The following TOM1 variants were observed in gnomAD, a reference collection of about 807,000 sequenced individuals.
TOM1 encodes the protein target of Myb protein 1.
In TOM1, 38 loss-of-function variants were observed where a neutral mutation model predicts 61.3. The observed-to-expected ratio is 0.62, with a 90% CI of 0.48 to 0.81. TOM1 has a LOEUF of 0.81. Among genes scored for constraint, TOM1 ranks in the 40% least tolerant of loss-of-function variants. The pLI, the probability that TOM1 is intolerant of heterozygous loss-of-function variation, is 0.00. For synonymous variants in TOM1, 270 were observed against 268.8 expected, an observed-to-expected ratio of 1.00 and a Z score of -0.04; for missense variants, 591 against 659.6, an observed-to-expected ratio of 0.90 and a Z score of 1.14.
In TOM1 at chr22:35,347,620, CA is replaced by C. The variant is rs1569044659; in HGVS notation, c.*412del. ...AGTCGAGGCCTGGCTGGAGGCTGGC[CA>C]CAGTGGAAATTCTGCCGAGCCTCTT... is the stretch of plus-strand genomic sequence containing the variant. On this transcript the variant is annotated 3_prime_UTR_variant, in exon 15 of 15. Coordinates refer to ENST00000449058, the MANE Select transcript of TOM1 (RefSeq NM_005488.3). 6.2e-6 allele frequency: 1 copy of C among 161,380 alleles called. No individual in the cohort carries two copies. Among genetic ancestry groups the C allele is most frequent in the Non-Finnish European group, 1.3e-5 (1 of 74,092 alleles). The allele number at this position is 161,380 out of a possible 1,614,324, so 10.0% of individuals were successfully genotyped here. A position where few individuals can be genotyped will look rare whatever the true frequency, so the allele number is the denominator to read the frequency against.
At position 35,347,128 on chromosome 22, in the gene TOM1, G is replaced by A. The variant is rs1436787672; in HGVS notation, c.1398G>A (p.Glu466=). 2 of 1,613,022 alleles carry A rather than the reference G, an allele frequency of 1.2e-6. No individual in the cohort carries two copies. Among genetic ancestry groups the A allele is most frequent in the African/African-American group, 2.7e-5 (2 of 74,976 alleles). ...RLPNLSSPSA[E]GPPGPPSGPA... ...CCAACCTCTCCAGCCCCTCAGCTGAGGGGCCCCCGGGTCCCCCATCTGGCC... is the reference window on the plus strand; with the variant it reads ...CCAACCTCTCCAGCCCCTCAGCTGAAGGGCCCCCGGGTCCCCCATCTGGCC... The change falls in exon 15 of 15, where the codon GAG becomes GAA. Residue 466 remains glutamate, a synonymous_variant. Transcript: ENST00000449058.
chr22:35,324,837 A>C (rs1928172326), intron 6 of TOM1, among the ~76,000 whole-genome samples: 1 of 152,248 alleles, frequency 6.6e-6, no homozygotes, highest in South Asian at 2.1e-4. Flanking sequence ...GGCATGAGCC[A>C]CCACACCCAG....
At chr22:35,330,589 C>T (rs1179672279) in intron 8 of TOM1, 109 bp downstream of exon 8, 5 of 1,164,584 alleles carry the variant, frequency 4.3e-6, no homozygotes, top group South Asian at 1.5e-5. Context: ...TCGTCCTCCT[C>T]TCAAACACAA....
intron 12 of TOM1, among the ~76,000 whole-genome samples, chr22:35,341,821 T>A (rs1446846357): frequency 6.6e-6 from 1 of 152,202 alleles, no homozygotes; most frequent in East Asian, 1.9e-4. Flanking sequence ...CACTGATTTA[T>A]CTCCGATAAC....
chr22:35,322,195 T>G (rs1426056315), intron 3 of TOM1, 158 bp downstream of exon 3: 1 of 636,148 alleles, frequency 1.6e-6, no homozygotes, highest in Admixed American at 2.9e-5. Flanking sequence ...TGCAGGCGGA[T>G]GCAGAATGGC....
chr22:35,304,532 G>A (rs907189041), intron 1 of TOM1, among the ~76,000 whole-genome samples: 2 of 152,148 alleles, frequency 1.3e-5, no homozygotes, highest in East Asian at 1.9e-4. Flanking sequence ...AGGCGGGAGT[G>A]CAGTGGCGCG....
intron 1 of TOM1, among the ~76,000 whole-genome samples, chr22:35,303,684 G>A (rs536173531): frequency 6.6e-6 from 1 of 152,146 alleles, no homozygotes; most frequent in African/African-American, 2.4e-5. Context: ...TTTTAGTAGA[G>A]ATGGGGTTTC....
chr22:35,322,512 T>C (rs796295620), intron 3 of TOM1: 2 of 187,566 alleles, frequency 1.1e-5, no homozygotes, highest in African/African-American at 4.7e-5. Context: ...GCCGTCAGCA[T>C]GGGTTTGGCT....
rs1026868798 is a variant in TOM1, at chr22:35,331,345, C to A, written c.899+865C>A. The A allele has an allele frequency of 5.5e-5, 25 of 454,402 alleles. No homozygotes were observed. The East Asian group carries it at 1.7e-3, about 32-fold the overall frequency. The allele number at this position is 454,402 out of a possible 1,614,324, so 28.1% of individuals were successfully genotyped here. On this transcript the variant is annotated intron_variant, in intron 8 of 14. Coordinates refer to ENST00000449058, the MANE Select transcript of TOM1 (RefSeq NM_005488.3). ...CAGGCTAGTCTCAAACTCTTGGCCT[C>A]AAGCAGTCCTCCCTCCTTGGCCTCC...
intron 7 of TOM1, among the ~76,000 whole-genome samples, chr22:35,328,867 C>T (rs975023791): frequency 5.9e-5 from 9 of 152,188 alleles, no homozygotes; most frequent in South Asian, 4.1e-4. Context: ...AGGCACCTGC[C>T]GTGACCCAGG....
intron 8 of TOM1, 119 bp from the exon 9 acceptor site, chr22:35,332,862 A>G: frequency 9.9e-7 from 1 of 1,008,486 alleles, no homozygotes; most frequent in Non-Finnish European, 1.6e-6. Context: ...ACGTGTCATC[A>G]CCCTGATCAT....
chr22:35,343,229 C>CCT, intron 12 of TOM1, among the ~76,000 whole-genome samples: 1 of 146,832 alleles, frequency 6.8e-6, no homozygotes, highest in Middle Eastern at 3.8e-3. Context: ...ACACACCACA[C>CCT]ACACATCTAC....
intron 9 of TOM1, 155 bp from the exon 10 acceptor site, chr22:35,333,249 C>T: frequency 2.4e-6 from 2 of 818,862 alleles, no homozygotes; most frequent in East Asian, 2.7e-5. Context: ...GAGCTGGAGC[C>T]AGAGGGGAGG....
intron 1 of TOM1, among the ~76,000 whole-genome samples, chr22:35,302,873 A>G (rs1317410586): frequency 6.6e-6 from 1 of 152,196 alleles, no homozygotes; most frequent in Admixed American, 6.5e-5. Context: ...TCTTTTAGAT[A>G]AAGAGGCGGA....
rs760572851 is a variant in TOM1 at position 35,347,096 on chromosome 22, C to A, written c.1366C>A (p.Arg456=). ...GGAAGAACGGGCCAAAGCCGCGGACCGATTGCCCAACCTCTCCAGCCCCTC... is the reference window on the plus strand; with the variant it reads ...GGAAGAACGGGCCAAAGCCGCGGACAGATTGCCCAACCTCTCCAGCCCCTC... ...FLEERAKAAD[R]LPNLSSPSAE... is the part of the protein sequence containing the mutation. The change falls in exon 15 of 15, where the codon CGA becomes AGA. Residue 456 remains arginine (R), a synonymous_variant. Coordinates refer to ENST00000449058, the MANE Select transcript of TOM1 (RefSeq NM_005488.3). 1 of 1,613,584 alleles carries A rather than the reference C, an allele frequency of 6.2e-7. No individual in the cohort carries two copies. Among genetic ancestry groups the A allele is most frequent in the Non-Finnish European group, 8.5e-7 (1 of 1,179,746 alleles).
At position 35,302,896 on chromosome 22, in the gene TOM1, C is replaced by G. The variant is rs549020147; in HGVS notation, c.52+2916C>G. Among the ~76,000 whole-genome samples the G allele has an allele frequency of 2.0e-5, 3 of 152,268 alleles. No homozygotes were observed. In the East Asian group the frequency reaches 5.8e-4, roughly 29 times the overall value. ...ATAAAGAGGCGGAGGAAGTACTGCT[C>G]CCTGGCTGTGATTACTGATGACACA... On this transcript the variant is annotated intron_variant, in intron 1 of 14. Transcript: ENST00000449058.
intron 12 of TOM1, among the ~76,000 whole-genome samples, chr22:35,340,182 G>A (rs1051596182): frequency 4.6e-5 from 7 of 152,218 alleles, no homozygotes; most frequent in African/African-American, 7.2e-5. Context: ...AGAAACAGCC[G>A]GACCTGGGAG....
At position 35,323,264 on chromosome 22, in the gene TOM1, T is replaced by G; in HGVS notation, c.366+87T>G. 6.5e-7 allele frequency: 1 copy of G among 1,534,138 alleles called. No individual in the cohort carries two copies. The highest frequency in any genetic ancestry group is 2.0e-5 in the Admixed American group (1 of 50,110). On this transcript the variant is annotated intron_variant, in intron 4 of 14. Transcript: ENST00000449058. The surrounding 1 kb of genome is among the most constrained non-coding windows in gnomAD (Gnocchi z 4.2). ...CCAGTGGAGAGTCGAGGCCATCGTGTTTGTCCCAGGCTCCGCTTCTCATTT... is the reference window on the plus strand; with the variant it reads ...CCAGTGGAGAGTCGAGGCCATCGTGGTTGTCCCAGGCTCCGCTTCTCATTT...
intron 1 of TOM1, among the ~76,000 whole-genome samples, chr22:35,306,158 A>G (rs989287479): frequency 6.6e-5 from 10 of 151,974 alleles, no homozygotes; most frequent in African/African-American, 2.4e-5. Context: ...TTTTTTTCCC[A>G]ACTATTTAAA....
Sources: allele counts gnomAD v4.1 joint callset (sites outside exome capture counted in the v4.1 genomes callset), GRCh38; gene constraint gnomAD v4.1.1; non-coding constraint Gnocchi (gnomAD v3.1); transcripts MANE v1.5; gene names NCBI Gene and HGNC (gene_info 2026-07-23, HGNC 2026-07-21).